Variants in ARL9 observed in about 807,000 individuals in gnomAD.
ARL9 encodes the protein ADP-ribosylation factor-like protein 9.
ARL9 carries 14 observed loss-of-function variants against 27.0 expected under a neutral mutation model. That is an observed-to-expected ratio of 0.52 (90% CI 0.34 to 0.81). The LOEUF is 0.81. Among genes scored for constraint, ARL9 ranks in the 30% least tolerant of loss-of-function variants. The pLI is 0.01. For synonymous variants in ARL9, 106 were observed against 108.7 expected, an observed-to-expected ratio of 0.98 and a Z score of 0.15; for missense variants, 294 against 290.0, an observed-to-expected ratio of 1.01 and a Z score of -0.10.
intron 3 of ARL9, among the ~76,000 whole-genome samples, chr4:56,520,933 C>T (rs749628757): frequency 9.2e-5 from 14 of 152,208 alleles, no homozygotes; most frequent in South Asian, 2.1e-4. Flanking sequence ...GAGGTTGGGC[C>T]GGGCGTGGTG....
chr4:56,511,029 T>TC (rs1721621621), intron 1 of ARL9, among the ~76,000 whole-genome samples, 156 bp from the exon 2 acceptor site: 1 of 152,178 alleles, frequency 6.6e-6, no homozygotes, highest in Non-Finnish European at 1.5e-5. Flanking sequence ...TGCCTCGGCC[T>TC]CCCAAAGTGC....
chr4:56,515,141 C>G (rs1304916005), intron 2 of ARL9, among the ~76,000 whole-genome samples: 1 of 151,780 alleles, frequency 6.6e-6, no homozygotes, highest in Non-Finnish European at 1.5e-5. Context: ...GTAATCCCAG[C>G]TACTCAGGAG....
At chr4:56,517,667 G>C (rs1456562285) in intron 2 of ARL9, among the ~76,000 whole-genome samples, 2 of 151,934 alleles carry the variant, frequency 1.3e-5, no homozygotes, top group African/African-American at 4.8e-5. Flanking sequence ...GTGGGCCATG[G>C]TTTGCCAATA....
intron 1 of ARL9, among the ~76,000 whole-genome samples, chr4:56,508,115 CCT>C (rs1377447496): frequency 6.6e-6 from 1 of 151,928 alleles, no homozygotes; most frequent in East Asian, 1.9e-4. Context: ...CTGAATAGGG[CCT>C]CTGGTGAAGA....
intron 1 of ARL9, among the ~76,000 whole-genome samples, chr4:56,508,561 T>G (rs560850936): frequency 7.9e-5 from 12 of 152,256 alleles, no homozygotes; most frequent in Admixed American, 5.9e-4. Flanking sequence ...TAATTTTGTA[T>G]TTTTACTAGA....
At chr4:56,517,375 G>A (rs933135855) in intron 2 of ARL9, among the ~76,000 whole-genome samples, 2 of 152,152 alleles carry the variant, frequency 1.3e-5, no homozygotes, top group African/African-American at 4.8e-5. Flanking sequence ...AAGTTTTTCT[G>A]TCAAGAACTA....
chr4:56,522,487 T>A (rs983292964), intron 3 of ARL9, among the ~76,000 whole-genome samples: 2 of 151,752 alleles, frequency 1.3e-5, no homozygotes, highest in African/African-American at 4.8e-5. Flanking sequence ...TTCCAGAGAT[T>A]TAAAAATGAT....
chr4:56,510,056 T>C (rs1159424800), intron 1 of ARL9, among the ~76,000 whole-genome samples: 2 of 151,976 alleles, frequency 1.3e-5, no homozygotes, highest in Non-Finnish European at 2.9e-5. Flanking sequence ...TTGTGATACT[T>C]ATATTAGAAT....
chr4:56,516,703 G>A (rs1721777054), intron 2 of ARL9, among the ~76,000 whole-genome samples: 1 of 152,130 alleles, frequency 6.6e-6, no homozygotes, highest in Non-Finnish European at 1.5e-5. Context: ...AGCCAAGGTG[G>A]GTGGATCACT....
chr4:56,523,424 T>A (rs1280471368), intron 3 of ARL9, among the ~76,000 whole-genome samples: 1 of 152,160 alleles, frequency 6.6e-6, no homozygotes, highest in Non-Finnish European at 1.5e-5. Flanking sequence ...TAGAAACAGA[T>A]TGACTGCACC....
chr4:56,518,019 T>A (rs1012774965), intron 2 of ARL9, among the ~76,000 whole-genome samples: 3 of 152,072 alleles, frequency 2.0e-5, no homozygotes, highest in African/African-American at 4.8e-5. Flanking sequence ...TCTTTTTTTT[T>A]AGATAGATGG....
At chr4:56,515,948 G>T (rs1235296725) in intron 2 of ARL9, among the ~76,000 whole-genome samples, 1 of 152,124 alleles carries the variant, frequency 6.6e-6, no homozygotes, top group Non-Finnish European at 1.5e-5. Context: ...ACAAGCTGAG[G>T]CTAAAATTTA....
At chr4:56,521,018 T>TG (rs750135685) in intron 3 of ARL9, among the ~76,000 whole-genome samples, 11 of 152,052 alleles carry the variant, frequency 7.2e-5, no homozygotes, top group Non-Finnish European at 1.5e-4. Context: ...GAGACCAGCC[T>TG]GGCCAACATG....
chr4:56,521,307 A>C (rs1194063436), intron 3 of ARL9, among the ~76,000 whole-genome samples: 3 of 152,160 alleles, frequency 2.0e-5, no homozygotes, highest in Non-Finnish European at 4.4e-5. Flanking sequence ...TTAGAAGATC[A>C]TGGTACATGT....
At chr4:56,510,083 G>A (rs1721591164) in intron 1 of ARL9, among the ~76,000 whole-genome samples, 1 of 151,888 alleles carries the variant, frequency 6.6e-6, no homozygotes, top group Admixed American at 6.6e-5. Flanking sequence ...AGGGAGGCTG[G>A]GTGCGGTGGC....
chr4:56,511,949 G>T (rs1021846388), intron 2 of ARL9, among the ~76,000 whole-genome samples: 1 of 152,142 alleles, frequency 6.6e-6, no homozygotes, highest in East Asian at 1.9e-4. Context: ...CAAAATGCTT[G>T]ATTTTTCCAA....
At position 56,509,701 on chromosome 4, in the gene ARL9, ATTT is replaced by A. The variant is rs766835732; in HGVS notation, c.280-1462_280-1460del. The stretch of plus-strand genomic sequence containing the variant: ...AGGCACCCACCACTGCACTGGGCTA[ATTT>A]TTTTTTTTTTTTTTTTTTTTTAAGA... On this transcript the variant is annotated intron_variant, in intron 1 of 3. Transcript: ENST00000640821. 7.0e-3 allele frequency among the ~76,000 whole-genome samples: 684 copies of A among 98,274 alleles called. 7 individuals are homozygous for A. The highest frequency in any genetic ancestry group is 0.01 in the Non-Finnish European group (550 of 53,552). 64.5% of individuals were successfully genotyped at this position (98,274 alleles called of 152,430 possible).
At chr4:56,507,718 A>C (rs988438005) in intron 1 of ARL9, among the ~76,000 whole-genome samples, 8 of 151,564 alleles carry the variant, frequency 5.3e-5, no homozygotes, top group Non-Finnish European at 7.4e-5. Context: ...TCACACCTGT[A>C]ATCCCGGCAC....
At chr4:56,511,731 C>A (rs17086924) in intron 2 of ARL9, among the ~76,000 whole-genome samples, 4,575 of 152,264 alleles carry the variant, frequency 0.03, 159 homozygotes, top group East Asian at 0.19. Flanking sequence ...AAATAGATGG[C>A]AGTCCACAGG....
Sources: allele counts gnomAD v4.1 joint callset (sites outside exome capture counted in the v4.1 genomes callset), GRCh38; gene constraint gnomAD v4.1.1; transcripts MANE v1.5; gene names NCBI Gene and HGNC (gene_info 2026-07-23, HGNC 2026-07-21).